MMADHC: variants seen among roughly 807,000 people sequenced by gnomAD.
MMADHC encodes the protein metabolism of cobalamin associated D, also known as cobalamin trafficking protein CblD.
In MMADHC, 23 loss-of-function variants were observed where a neutral mutation model predicts 36.3. That is an observed-to-expected ratio of 0.63 (90% CI 0.46 to 0.90). MMADHC has a LOEUF of 0.90. MMADHC is among the 40% of genes least tolerant of loss of function. The pLI, the probability that MMADHC is intolerant of heterozygous loss-of-function variation, is 0.00. For missense variants in MMADHC, 330 were observed against 348.0 expected, an observed-to-expected ratio of 0.95 and a Z score of 0.41; for synonymous variants, 97 against 116.1, an observed-to-expected ratio of 0.84 and a Z score of 1.06.
intron 3 of MMADHC, among the ~76,000 whole-genome samples, chr2:149,580,817 C>A (rs1018881940): frequency 3.3e-5 from 5 of 152,104 alleles, no homozygotes; most frequent in African/African-American, 1.2e-4. Flanking sequence ...TCCAGTGCCC[C>A]TCAAACTCTA....
intron 2 of MMADHC, among the ~76,000 whole-genome samples, chr2:149,585,743 T>C (rs1423920003): frequency 6.6e-6 from 1 of 152,196 alleles, no homozygotes; most frequent in Non-Finnish European, 1.5e-5. Flanking sequence ...TGAAACACTA[T>C]CTGCATATTT....
intron 2 of MMADHC, among the ~76,000 whole-genome samples, chr2:149,586,546 T>C (rs1179168710): frequency 2.0e-5 from 3 of 152,214 alleles, no homozygotes; most frequent in African/African-American, 4.8e-5. Flanking sequence ...AAAAAAATTA[T>C]TACTTTATAC....
rs1238772425 is a variant in MMADHC at position 149,582,219 on chromosome 2, A to G, written c.62T>C (p.Leu21Ser). ...TTTGGGATTGACAACCCTTTTAACT[A>G]AAGAGCAAAATCCTGGGAGATAGGA... is the stretch of plus-strand genomic sequence containing the variant. ...LVSYLPGFCS[L>S]VKRVVNPKAF... is the part of the protein sequence containing the mutation. The change falls in exon 3 of 8, where the codon TTA (leucine) becomes TCA (serine). Residue 21 changes from leucine to serine, a missense_variant. Coordinates refer to ENST00000303319, the MANE Select transcript of MMADHC (RefSeq NM_015702.3). 3.7e-6 allele frequency: 6 copies of G among 1,613,796 alleles called. No individual in the cohort carries two copies. Among genetic ancestry groups the G allele is most frequent in the African/African-American group, 1.3e-5 (1 of 74,938 alleles).
chr2:149,570,994 G>C (rs1682630184), intron 7 of MMADHC, 91 bp downstream of exon 7: 1 of 1,097,452 alleles, frequency 9.1e-7, no homozygotes, highest in African/African-American at 1.6e-5. Flanking sequence ...TTTTTAAAAA[G>C]TCTTAATCTA....
chr2:149,570,021 T>C lies in MMADHC; in HGVS notation c.844A>G (p.Asn282Asp). The change falls in exon 8 of 8, where the codon AAT becomes GAT. Residue 282 changes from asparagine to aspartate, a missense_variant. Asn to Asp is a conservative substitution (Grantham distance 23, BLOSUM62 1). Transcript: ENST00000303319. Reference protein sequence around the residue: ...THVVVGSIFTNATPDSHIMKK... With the variant: ...THVVVGSIFTDATPDSHIMKK... ...ATAATATGGCTGTCTGGTGTTGCAT[T>C]AGTGAAGATACTCCCTACAACTACA... 1 of 1,613,770 alleles carries C rather than the reference T, an allele frequency of 6.2e-7. No homozygotes were observed. The highest frequency in any genetic ancestry group is 1.1e-5 in the South Asian group (1 of 91,072).
At position 149,582,388 on chromosome 2, in the gene MMADHC, C is replaced by T; in HGVS notation, c.10-117G>A. On this transcript the variant is annotated intron_variant, in intron 2 of 7. Transcript: ENST00000303319. ...TCTTTTAAAACCAACATTTATTCTACTTTTACTGAACACCTACTATATGAA... is the reference window on the plus strand; with the variant it reads ...TCTTTTAAAACCAACATTTATTCTATTTTTACTGAACACCTACTATATGAA... The T allele has an allele frequency of 3.2e-6, 3 of 925,034 alleles. No individual in the cohort carries two copies. The South Asian group carries it at 4.3e-5, about 13-fold the overall frequency. 57.3% of individuals were successfully genotyped at this position (925,034 alleles called of 1,614,324 possible). A position where few individuals can be genotyped will look rare whatever the true frequency, so the allele number is the denominator to read the frequency against.
chr2:149,585,191 C>G (rs1374787568), intron 2 of MMADHC, among the ~76,000 whole-genome samples: 2 of 152,062 alleles, frequency 1.3e-5, no homozygotes, highest in African/African-American at 4.8e-5. Flanking sequence ...AAAAGCAAGT[C>G]AAAATTACAG....
At chr2:149,576,384 C>T (rs566942088) in intron 5 of MMADHC, 53 bp downstream of exon 5, 1 of 1,194,324 alleles carries the variant, frequency 8.4e-7, no homozygotes, top group East Asian at 2.3e-5. Context: ...GTACATTATT[C>T]AACATATTAA....
Position 149,587,145 on chromosome 2 carries a change from T to A in MMADHC, c.-48A>T. ...CAAAATAGCTTTCCTTTGGTAAAGTTATTTCTGGGAAAGAACACAACAAAA... is the reference window on the plus strand; with the variant it reads ...CAAAATAGCTTTCCTTTGGTAAAGTAATTTCTGGGAAAGAACACAACAAAA... On this transcript the variant is annotated 5_prime_UTR_variant, in exon 2 of 8. Coordinates refer to ENST00000303319, the MANE Select transcript of MMADHC (RefSeq NM_015702.3). The A allele has an allele frequency of 6.3e-7, 1 of 1,592,136 alleles. No homozygotes were observed. The highest frequency in any genetic ancestry group is 8.6e-7 in the Non-Finnish European group (1 of 1,159,990).
At chr2:149,575,663 C>T (rs1278551648) in intron 6 of MMADHC, 48 bp downstream of exon 6, 2 of 1,477,582 alleles carry the variant, frequency 1.4e-6, no homozygotes, top group Non-Finnish European at 1.9e-6. Flanking sequence ...TTCACTATTA[C>T]TTAAATAATG....
chr2:149,572,892 C>T (rs1682664617), intron 6 of MMADHC, among the ~76,000 whole-genome samples: 1 of 152,112 alleles, frequency 6.6e-6, no homozygotes, highest in South Asian at 2.1e-4. Context: ...GAAGTCCAAG[C>T]CTTACAAATC....
In MMADHC at chr2:149,570,099, C is replaced by G; in HGVS notation, c.766G>C (p.Val256Leu). The change falls in exon 8 of 8, where the codon GTT becomes CTT. Residue 256 changes from valine to leucine, a missense_variant. Val to Leu is a conservative substitution (Grantham distance 32). Coordinates refer to ENST00000303319, the MANE Select transcript of MMADHC (RefSeq NM_015702.3). The part of the protein sequence containing the change: ...DERYRHLGFS[V>L]DDLGCCKVIR... ...ACTTTACAGCATCCAAGGTCATCAACAGAGAATCCTAAATGTCGGTAGCGT... is the reference window on the plus strand; with the variant it reads ...ACTTTACAGCATCCAAGGTCATCAAGAGAGAATCCTAAATGTCGGTAGCGT... 1 of 1,613,810 alleles carries G rather than the reference C, an allele frequency of 6.2e-7. No individual in the cohort carries two copies. The highest frequency in any genetic ancestry group is 8.5e-7 in the Non-Finnish European group (1 of 1,179,846).
rs1682884522 is a variant in MMADHC, at chr2:149,587,151, T to C, written c.-52-2A>G. 3 of 1,574,912 alleles carry C rather than the reference T, an allele frequency of 1.9e-6. No individual in the cohort carries two copies. The highest frequency in any genetic ancestry group is 1.7e-5 in the Admixed American group (1 of 59,966). On this transcript the variant is annotated splice_acceptor_variant, in intron 1 of 7. Transcript: ENST00000303319. LOFTEE classifies it low-confidence loss of function (5UTR_SPLICE). ...AGCTTTCCTTTGGTAAAGTTATTTC[T>C]GGGAAAGAACACAACAAAACAGACG... is the stretch of plus-strand genomic sequence containing the variant.
In MMADHC at chr2:149,576,550, G is replaced by T. The variant is rs766361763; in HGVS notation, c.373-8C>A. 32 of 1,582,604 alleles carry T rather than the reference G, an allele frequency of 2.0e-5. No homozygotes were observed. The highest frequency in any genetic ancestry group is 2.6e-5 in the Non-Finnish European group (30 of 1,151,664). On this transcript the variant is annotated splice_region_variant and splice_polypyrimidine_tract_variant and intron_variant, in intron 4 of 7. Coordinates refer to ENST00000303319, the MANE Select transcript of MMADHC (RefSeq NM_015702.3). The stretch of plus-strand genomic sequence containing the variant: ...AACAGGTGCATCATTACCCTAAGGG[G>T]AACAAGGATATAAGTCAACAAAATC...
At chr2:149,582,767 G>A (rs1157422432) in intron 2 of MMADHC, among the ~76,000 whole-genome samples, 1 of 152,038 alleles carries the variant, frequency 6.6e-6, no homozygotes. Flanking sequence ...CTCCATTTCA[G>A]CACGTATCTT....
At chr2:149,582,315 T>C (rs1682806671) in intron 2 of MMADHC, 44 bp from the exon 3 acceptor site, 1 of 1,596,494 alleles carries the variant, frequency 6.3e-7, no homozygotes, top group African/African-American at 1.3e-5. Context: ...TGAATATAAA[T>C]GTTATACTTA....
At chr2:149,587,495 G>A (rs928356533) in intron 1 of MMADHC, 169 bp downstream of exon 1, 2 of 279,200 alleles carry the variant, frequency 7.2e-6, no homozygotes, top group Non-Finnish European at 1.4e-5. Flanking sequence ...TCCAAGCAAA[G>A]CTTCAGGCTG....
chr2:149,582,862 C>T (rs999955748), intron 2 of MMADHC, among the ~76,000 whole-genome samples: 1 of 151,834 alleles, frequency 6.6e-6, no homozygotes, highest in East Asian at 1.9e-4. Flanking sequence ...AAATATCTTT[C>T]ATTCATAAAT....
At chr2:149,585,683 T>G (rs1246179411) in intron 2 of MMADHC, among the ~76,000 whole-genome samples, 1 of 152,240 alleles carries the variant, frequency 6.6e-6, no homozygotes, top group Non-Finnish European at 1.5e-5. Context: ...TGAAGGCTTC[T>G]TAATGTACCT....
Sources: gnomAD v4.1 joint callset for allele counts (sites outside exome capture counted in the v4.1 genomes callset) on GRCh38, gnomAD v4.1.1 for gene constraint, MANE v1.5 for transcripts, NCBI Gene and HGNC (gene_info 2026-07-23, HGNC 2026-07-21) for gene names.